Variants in KLF12 observed in about 807,000 individuals in gnomAD.
The protein encoded by KLF12 is Krueppel-like factor 12.
Under a neutral mutation model 37.8 loss-of-function variants are expected in KLF12, and 9 were observed. The observed-to-expected ratio is 0.24, with a 90% confidence interval of 0.14 to 0.42. The LOEUF (loss-of-function observed/expected upper bound fraction) is 0.42, where lower values mean the gene tolerates loss of function less well. Ranked by LOEUF, KLF12 falls within the 10% of genes least tolerant of loss-of-function variation. The pLI, the probability that KLF12 is intolerant of heterozygous loss-of-function variation, is 1.00. For synonymous variants in KLF12, 208 were observed against 202.1 expected, an observed-to-expected ratio of 1.03 and a Z score of -0.25; for missense variants, 411 against 516.0, an observed-to-expected ratio of 0.80 and a Z score of 1.97.
upstream of KLF12, among the ~76,000 whole-genome samples, chr13:74,135,147 C>T (rs891190830): frequency 2.0e-5 from 3 of 151,788 alleles, no homozygotes; most frequent in African/African-American, 7.3e-5. Context: ...AGCGGGGGCG[C>T]CCCTTTTCCC....
At chr13:74,052,412 A>G (rs1345863756) in intron 1 of KLF12, among the ~76,000 whole-genome samples, 1 of 152,062 alleles carries the variant, frequency 6.6e-6, no homozygotes, top group Admixed American at 6.6e-5. Flanking sequence ...CTTTTTTTTA[A>G]GTTTTCTATT....
chr13:73,848,902 C>G (rs558230217), intron 3 of KLF12, among the ~76,000 whole-genome samples: 1 of 152,058 alleles, frequency 6.6e-6, no homozygotes, highest in African/African-American at 2.4e-5. Flanking sequence ...AGCTAGCACA[C>G]TCAAAAATAA....
At chr13:74,240,107 C>T in the KLF12 span, among the ~76,000 whole-genome samples, 2 of 152,088 alleles carry the variant, frequency 1.3e-5, no homozygotes, top group African/African-American at 4.8e-5. Flanking sequence ...ATGTTTAGTG[C>T]TTCCTTCAGG....
At chr13:74,077,031 T>G (rs1566201077) in intron 1 of KLF12, among the ~76,000 whole-genome samples, 3 of 152,334 alleles carry the variant, frequency 2.0e-5, no homozygotes, top group African/African-American at 4.8e-5. Flanking sequence ...CACATTTTCC[T>G]TATCCAGTCT....
At chr13:74,079,898 A>G (rs1473824549) in intron 1 of KLF12, among the ~76,000 whole-genome samples, 1 of 152,228 alleles carries the variant, frequency 6.6e-6, no homozygotes, top group African/African-American at 2.4e-5. Flanking sequence ...TGAAAGGATT[A>G]AAAGCAGGGT....
At chr13:74,259,793 G>A in the KLF12 span, 1 of 152,038 alleles carries the variant, frequency 6.6e-6, no homozygotes, top group Non-Finnish European at 1.5e-5. Context: ...TACTCCAAAA[G>A]GTCTGTCCTT....
At chr13:73,986,101 T>C (rs896090055) in intron 2 of KLF12, among the ~76,000 whole-genome samples, 2 of 152,204 alleles carry the variant, frequency 1.3e-5, no homozygotes, top group Non-Finnish European at 2.9e-5. Flanking sequence ...TTCAGTTTTA[T>C]CAGATACGCT....
chr13:73,898,139 A>G (rs1426447123), intron 3 of KLF12, among the ~76,000 whole-genome samples: 1 of 151,996 alleles, frequency 6.6e-6, no homozygotes, highest in East Asian at 1.9e-4. Context: ...TACCTCCAAA[A>G]CCTGAAGTAT....
chr13:74,147,377 A>C, the KLF12 span, among the ~76,000 whole-genome samples: 1 of 152,142 alleles, frequency 6.6e-6, no homozygotes, highest in African/African-American at 2.4e-5. Context: ...TATTTGGAAA[A>C]ATTTTGGTTA....
chr13:73,944,216 T>C (rs1890320062), intron 2 of KLF12, 146 bp from the exon 3 acceptor site: 1 of 625,788 alleles, frequency 1.6e-6, no homozygotes, highest in East Asian at 2.9e-5. Context: ...AATATCAGCA[T>C]AACCAATTAT....
At chr13:73,976,679 C>T (rs574138475) in intron 2 of KLF12, among the ~76,000 whole-genome samples, 1 of 152,288 alleles carries the variant, frequency 6.6e-6, no homozygotes, top group East Asian at 1.9e-4. Flanking sequence ...GAAATAATAT[C>T]CTCATCACGC....
At chr13:73,697,821 T>C (rs914464782) in intron 7 of KLF12, among the ~76,000 whole-genome samples, 3 of 152,110 alleles carry the variant, frequency 2.0e-5, no homozygotes, top group Non-Finnish European at 4.4e-5. Flanking sequence ...AGTTGTGTAG[T>C]ATAGAAGGAC....
chr13:73,826,781 C>T (rs1451270128), intron 4 of KLF12, among the ~76,000 whole-genome samples: 2 of 151,882 alleles, frequency 1.3e-5, no homozygotes, highest in South Asian at 2.1e-4. Flanking sequence ...CACACACACA[C>T]ACACATATAT....
At chr13:74,168,586 A>C in the KLF12 span, among the ~76,000 whole-genome samples, 7 of 152,190 alleles carry the variant, frequency 4.6e-5, no homozygotes, top group Admixed American at 3.3e-4. Context: ...CTGGCTGAAA[A>C]GGCTGGGTTA....
chr13:74,094,835 A>G lies in KLF12; in HGVS notation c.-32+38904T>C, dbSNP rs188782563. Among the ~76,000 whole-genome samples, 356 of 152,224 alleles carry G rather than the reference A, an allele frequency of 2.3e-3. 2 individuals carry two copies. Among genetic ancestry groups the G allele is most frequent in the African/African-American group, 8.2e-3 (340 of 41,544 alleles). ...GGCTGGTTATGAACTCCTGACCTCA[A>G]GTGATCCACCCACCTCAGCCTCCCA... On this transcript the variant is annotated intron_variant, in intron 1 of 7. Transcript: ENST00000377669.
chr13:74,078,104 G>C (rs920841457), intron 1 of KLF12, among the ~76,000 whole-genome samples: 6 of 152,174 alleles, frequency 3.9e-5, no homozygotes, highest in African/African-American at 1.4e-4. Flanking sequence ...AAGAGTCCCA[G>C]CCAGCCAAAC....
At chr13:73,881,838 T>C (rs1325272376) in intron 3 of KLF12, among the ~76,000 whole-genome samples, 1 of 152,196 alleles carries the variant, frequency 6.6e-6, no homozygotes, top group African/African-American at 2.4e-5. Context: ...TCATGAATGC[T>C]CTTCCTCAAT....
the KLF12 span, among the ~76,000 whole-genome samples, chr13:74,199,899 G>A: frequency 6.6e-6 from 1 of 152,034 alleles, no homozygotes; most frequent in African/African-American, 2.4e-5. Context: ...CCCTCTCTCA[G>A]GTATTACCTG....
At position 73,764,987 on chromosome 13, in the gene KLF12, G is replaced by A. The variant is rs1489502158; in HGVS notation, c.820C>T (p.Pro274Ser). 1.9e-6 allele frequency: 3 copies of A among 1,572,158 alleles called. No individual in the cohort carries two copies. The highest frequency in any genetic ancestry group is 3.4e-5 in the Admixed American group (2 of 59,552). Residue 274 changes from proline to serine, a missense_variant, in exon 6 of 8, where the codon CCA becomes TCA. Around this residue, in one of 2 missense-constraint regions of KLF12, gnomAD observed 351 missense variants for 397.8 expected, o/e 0.88. Transcript: ENST00000377669. ...CGATTGCCCCGGACCCTTGATACTG[G>A]GGACGGATGTACCCTGTAGACAGAG...
Sources: gnomAD v4.1 joint callset for allele counts (sites outside exome capture counted in the v4.1 genomes callset) on GRCh38, gnomAD v4.1.1 for gene constraint, gnomAD v4.1.1 regional missense constraint, MANE v1.5 for transcripts, NCBI Gene and HGNC (gene_info 2026-07-23, HGNC 2026-07-21) for gene names.